Variants in DIAPH1 observed in about 807,000 individuals in gnomAD.
DIAPH1 encodes the protein diaphanous related formin 1.
Under a neutral mutation model 140.7 loss-of-function variants are expected in DIAPH1, and 46 were observed. That is an observed-to-expected ratio of 0.33 (90% CI 0.26 to 0.42). DIAPH1 has a LOEUF of 0.42. DIAPH1 is among the 10% of genes least tolerant of loss of function. The pLI is 1.00. For synonymous variants in DIAPH1, 565 were observed against 551.6 expected, an observed-to-expected ratio of 1.02 and a Z score of -0.34; for missense variants, 1,310 against 1,558.7, an observed-to-expected ratio of 0.84 and a Z score of 2.69.
rs1205743370 is a variant in DIAPH1, at chr5:141,579,095, G to A, written c.926C>T (p.Ala309Val). 2 of 1,612,452 alleles carry A rather than the reference G, an allele frequency of 1.2e-6. No individual in the cohort carries two copies. Among genetic ancestry groups the A allele is most frequent in the South Asian group, 1.1e-5 (1 of 91,056 alleles). Reference protein sequence around the residue: ...LDGLKSGTTIALKVGCLQLIN... With the variant: ...LDGLKSGTTIVLKVGCLQLIN... ...TTCAGGGGATATACATGCCTTCAGT[G>A]CAATAGTGGTTCCACTTTTTAATCC... Residue 309 changes from alanine (A) to valine (V), a missense_variant, in exon 9 of 28, where the codon GCA (alanine) becomes GTA (valine). Physicochemically the swap from Ala to Val is moderately conservative, Grantham distance 64. Coordinates refer to ENST00000389054, the MANE Select transcript of DIAPH1 (RefSeq NM_005219.5).
At chr5:141,605,166 G>GA (rs1189475027) in intron 1 of DIAPH1, among the ~76,000 whole-genome samples, 3 of 151,840 alleles carry the variant, frequency 2.0e-5, no homozygotes, top group Non-Finnish European at 4.4e-5. Flanking sequence ...TATTTTCTTA[G>GA]AAAAAAACTA....
chr5:141,560,949 G>C (rs1257368504), intron 18 of DIAPH1: 2 of 455,514 alleles, frequency 4.4e-6, no homozygotes, highest in Non-Finnish European at 8.8e-6. Context: ...GGGGGGGAAG[G>C]GGTGGAGATG....
chr5:141,595,730 T>A (rs1197003478), intron 1 of DIAPH1, among the ~76,000 whole-genome samples: 1 of 152,128 alleles, frequency 6.6e-6, no homozygotes, highest in African/African-American at 2.4e-5. Context: ...TAAACCTCTT[T>A]CCTTTATAAA....
intron 1 of DIAPH1, among the ~76,000 whole-genome samples, chr5:141,600,803 C>A (rs917972732): frequency 7.2e-5 from 11 of 152,164 alleles, no homozygotes; most frequent in South Asian, 4.1e-4. Flanking sequence ...AGGAAAAAAT[C>A]TATTCCTTGT....
intron 1 of DIAPH1, among the ~76,000 whole-genome samples, chr5:141,610,128 T>C (rs1289013827): frequency 1.3e-5 from 2 of 149,272 alleles, no homozygotes; most frequent in Admixed American, 6.6e-5. Flanking sequence ...TGAGACCCCA[T>C]TTCTTTCTTT....
intron 1 of DIAPH1, among the ~76,000 whole-genome samples, chr5:141,592,487 TAACAACAAC>T (rs200242814): frequency 6.7e-4 from 96 of 144,102 alleles, no homozygotes; most frequent in African/African-American, 1.7e-3. Flanking sequence ...CATGACAAGT[TAACAACAAC>T]AACAACAACA....
At position 141,583,489 on chromosome 5, in the gene DIAPH1, C is replaced by G; in HGVS notation, c.529G>C (p.Val177Leu). The G allele has an allele frequency of 6.2e-7, 1 of 1,614,194 alleles. No homozygotes were observed. The highest frequency in any genetic ancestry group is 8.5e-7 in the Non-Finnish European group (1 of 1,180,044). The change falls in exon 5 of 28, where the codon GTC (valine) becomes CTC (leucine). Residue 177 changes from valine (V) to leucine (L), a missense_variant. Val to Leu is a conservative substitution (Grantham distance 32). This residue lies in a region of DIAPH1 where 377 missense variants were observed against 497.1 expected (regional missense o/e 0.76). Transcript: ENST00000389054. ...TTACCTCCTCAGAATCCTCACCTGA[C>G]AGGGTTGTTGTTGAGAGACACACGA... ...SLRVSLNNNP[V>L]SWVQTFGAEG...
chr5:141,541,022 T>C (rs1274391526), intron 18 of DIAPH1, among the ~76,000 whole-genome samples: 1 of 152,118 alleles, frequency 6.6e-6, no homozygotes, highest in African/African-American at 2.4e-5. Flanking sequence ...ATCATGCCAC[T>C]GCACTCCAGC....
chr5:141,558,036 C>T (rs1175531500), intron 18 of DIAPH1, among the ~76,000 whole-genome samples: 2 of 152,054 alleles, frequency 1.3e-5, no homozygotes. Context: ...GAAAGGGCAC[C>T]CCCTGGCGGC....
chr5:141,615,399 C>G (rs1288858562), intron 1 of DIAPH1, among the ~76,000 whole-genome samples: 1 of 131,332 alleles, frequency 7.6e-6, no homozygotes, highest in Non-Finnish European at 1.6e-5. Flanking sequence ...CGCCACTGCA[C>G]TGCAGCCTTG....
Position 141,522,671 on chromosome 5 carries a change from T to C in DIAPH1, c.3661+1472A>G, listed in dbSNP as rs554143950. Among the ~76,000 whole-genome samples the C allele has an allele frequency of 1.5e-4, 22 of 151,554 alleles. 1 individual carries two copies. In the East Asian group the frequency reaches 4.1e-3, roughly 28 times the overall value. On this transcript the variant is annotated intron_variant, in intron 27 of 27. Coordinates refer to ENST00000389054, the MANE Select transcript of DIAPH1 (RefSeq NM_005219.5). ...AGGCCACATCACCTTGTGTGGTCAG[T>C]AGGAAATAATGTTGTAAGAACCTAT...
At chr5:141,527,510 C>G (rs529555805) in intron 24 of DIAPH1, 63 bp downstream of exon 24, 6 of 1,579,820 alleles carry the variant, frequency 3.8e-6, no homozygotes, top group African/African-American at 2.7e-5. Flanking sequence ...CTGTTTTTCC[C>G]CCACTACAGG....
At chr5:141,592,212 G>A (rs1450086465) in intron 1 of DIAPH1, among the ~76,000 whole-genome samples, 2 of 152,038 alleles carry the variant, frequency 1.3e-5, no homozygotes, top group African/African-American at 4.8e-5. Context: ...GTCCAACAGA[G>A]GGCAGCAACA....
At chr5:141,598,706 A>G (rs1420932251) in intron 1 of DIAPH1, among the ~76,000 whole-genome samples, 1 of 152,148 alleles carries the variant, frequency 6.6e-6, no homozygotes, top group Non-Finnish European at 1.5e-5. Flanking sequence ...CAACAACAAC[A>G]AAAAAGTCAA....
Position 141,516,659 on chromosome 5 carries a change from C to A in DIAPH1, c.*192G>T. The A allele has an allele frequency of 1.5e-6, 1 of 685,620 alleles. No individual in the cohort carries two copies. The highest frequency in any genetic ancestry group is 2.5e-6 in the Non-Finnish European group (1 of 394,754). The allele number at this position is 685,620 out of a possible 1,614,324, so 42.5% of individuals were successfully genotyped here. ...GGGCTCAGGCCTCCCCTGCACTGCC[C>A]TTTCCTTCTGGCCTCCAGGCAGCTG... is the stretch of plus-strand genomic sequence containing the variant. On this transcript the variant is annotated 3_prime_UTR_variant, in exon 28 of 28. Transcript: ENST00000389054.
rs2099887904 is a variant in DIAPH1, at chr5:141,529,665, G to C, written c.2614C>G (p.Gln872Glu). ...TCCAGGATGACATTCTTAATCTCTT[G>C]ATAGGGCATGCGGAAGGAACCCAAA... ...IFLGSFRMPY[Q>E]EIKNVILEVN... is the part of the protein sequence containing the mutation. The change falls in exon 20 of 28, where the codon CAA becomes GAA. Residue 872 changes from glutamine to glutamate, a missense_variant. Around this residue, in one of 3 missense-constraint regions of DIAPH1, gnomAD observed 344 missense variants for 512.2 expected, o/e 0.67. Coordinates refer to ENST00000389054, the MANE Select transcript of DIAPH1 (RefSeq NM_005219.5). 6.2e-7 allele frequency: 1 copy of C among 1,613,982 alleles called. No homozygotes were observed.
At chr5:141,576,082 T>A in intron 14 of DIAPH1, 148 bp downstream of exon 14, 1 of 685,252 alleles carries the variant, frequency 1.5e-6, no homozygotes, top group South Asian at 1.7e-5. Context: ...GACTACCCTA[T>A]ACTGGAAAGG....
chr5:141,609,720 T>C (rs1422402139), intron 1 of DIAPH1, among the ~76,000 whole-genome samples: 4 of 152,162 alleles, frequency 2.6e-5, no homozygotes, highest in African/African-American at 7.2e-5. Flanking sequence ...TCCTTATCTA[T>C]AAAGATGCTA....
At chr5:141,541,834 A>C (rs2099890028) in intron 18 of DIAPH1, among the ~76,000 whole-genome samples, 1 of 152,228 alleles carries the variant, frequency 6.6e-6, no homozygotes, top group Non-Finnish European at 1.5e-5. Context: ...TGTGAACAAA[A>C]GTTACGTGAC....
Sources: gnomAD v4.1 joint callset for allele counts (sites outside exome capture counted in the v4.1 genomes callset) on GRCh38, gnomAD v4.1.1 for gene constraint, gnomAD v4.1.1 regional missense constraint, MANE v1.5 for transcripts, NCBI Gene and HGNC (gene_info 2026-07-23, HGNC 2026-07-21) for gene names.